SLC44A5: variants seen among roughly 807,000 people sequenced by gnomAD.
SLC44A5 encodes choline transporter-like protein 5.
In SLC44A5, 57 loss-of-function variants were observed where a neutral mutation model predicts 101.8. That is an observed-to-expected ratio of 0.56 (90% CI 0.45 to 0.70). SLC44A5 has a LOEUF of 0.70. SLC44A5 is among the 30% of genes least tolerant of loss of function. The probability of loss-of-function intolerance (pLI) is 0.00; values close to 1 mark genes in which losing one functional copy is unlikely to be tolerated. For synonymous variants in SLC44A5, 281 were observed against 290.9 expected, an observed-to-expected ratio of 0.97 and a Z score of 0.35; for missense variants, 737 against 853.1, an observed-to-expected ratio of 0.86 and a Z score of 1.70.
intron 2 of SLC44A5, among the ~76,000 whole-genome samples, chr1:75,477,907 C>G (rs1367960025): frequency 6.6e-6 from 1 of 152,088 alleles, no homozygotes; most frequent in South Asian, 2.1e-4. Flanking sequence ...GAGAACGCCA[C>G]AAAGATACTC....
intron 3 of SLC44A5, among the ~76,000 whole-genome samples, chr1:75,362,739 A>G (rs1426452886): frequency 3.3e-5 from 5 of 152,094 alleles, no homozygotes; most frequent in Non-Finnish European, 7.4e-5. Context: ...AGAATGTTTA[A>G]TATGCCCTTG....
At position 75,401,869 on chromosome 1, in the gene SLC44A5, C is replaced by T. The variant is rs141778578; in HGVS notation, c.14-5248G>A. Among the ~76,000 whole-genome samples the T allele has an allele frequency of 2.0e-5, 3 of 152,230 alleles. No individual in the cohort carries two copies. The East Asian group carries it at 5.8e-4, about 29-fold the overall frequency. The stretch of plus-strand genomic sequence containing the variant: ...TCATGGTTGGGCACTGGAAACAAAA[C>T]AAAACTCATTATCCTGTGCATCAGT... On this transcript the variant is annotated intron_variant, in intron 2 of 23. Transcript: ENST00000370859.
At chr1:75,713,047 C>G in the SLC44A5 span, among the ~76,000 whole-genome samples, 1 of 152,270 alleles carries the variant, frequency 6.6e-6, no homozygotes, top group Non-Finnish European at 1.5e-5. Flanking sequence ...CCTGTTCCGC[C>G]TAACCACTAC....
intron 13 of SLC44A5, among the ~76,000 whole-genome samples, chr1:75,226,146 C>G (rs1440547110): frequency 6.6e-6 from 1 of 151,916 alleles, no homozygotes; most frequent in African/African-American, 2.4e-5. Context: ...TGAAACAATT[C>G]CATAACATAT....
At chr1:75,655,383 G>A in the SLC44A5 span, among the ~76,000 whole-genome samples, 1 of 152,194 alleles carries the variant, frequency 6.6e-6, no homozygotes, top group African/African-American at 2.4e-5. Flanking sequence ...CTAGCCCTGG[G>A]GCAGAGGGGA....
chr1:75,259,486 A>G lies in SLC44A5; in HGVS notation c.261-8192T>C, dbSNP rs190017304. 1.3e-3 allele frequency among the ~76,000 whole-genome samples: 192 copies of G among 152,312 alleles called. 1 individual carries two copies. The highest frequency in any genetic ancestry group is 8.5e-3 in the South Asian group (41 of 4,830). On this transcript the variant is annotated intron_variant, in intron 6 of 23. Transcript: ENST00000370859. ...GAGAAGACAAGATTAGAGAAAAAAG[A>G]GTGAAGAGAAATGAACAAAGCCTCC... is the stretch of plus-strand genomic sequence containing the variant.
chr1:75,679,842 A>C, the SLC44A5 span, among the ~76,000 whole-genome samples: 1 of 152,210 alleles, frequency 6.6e-6, no homozygotes, highest in Middle Eastern at 3.2e-3. Context: ...GTCAAGACCC[A>C]TCAGTGTGCT....
chr1:75,578,876 T>C (rs1673523834), intron 1 of SLC44A5, among the ~76,000 whole-genome samples: 1 of 152,224 alleles, frequency 6.6e-6, no homozygotes, highest in African/African-American at 2.4e-5. Flanking sequence ...TAAAATATGC[T>C]GTACACTGAA....
chr1:75,694,739 A>T, the SLC44A5 span, among the ~76,000 whole-genome samples: 4 of 152,176 alleles, frequency 2.6e-5, no homozygotes, highest in Admixed American at 2.6e-4. Context: ...CACTGTCTTT[A>T]AAGTTGTATC....
chr1:75,350,779 A>T (rs551744910), intron 3 of SLC44A5, among the ~76,000 whole-genome samples: 1 of 151,394 alleles, frequency 6.6e-6, no homozygotes, highest in Non-Finnish European at 1.5e-5. Context: ...CTGTAATCCC[A>T]GCTACTTGGG....
Position 75,254,099 on chromosome 1 carries a change from C to T in SLC44A5, c.261-2805G>A, listed in dbSNP as rs562515150. 4.0e-5 allele frequency among the ~76,000 whole-genome samples: 6 copies of T among 151,804 alleles called. No homozygotes were observed. The South Asian group carries it at 6.2e-4, about 16-fold the overall frequency. ...TGTCGCCCAGGCTGGAGTGCAGTGG[C>T]GCAATCTCTGCTCACTGCGACCTCT... On this transcript the variant is annotated intron_variant, in intron 6 of 23. Transcript: ENST00000370859.
At chr1:75,340,194 C>A (rs919838812) in intron 3 of SLC44A5, among the ~76,000 whole-genome samples, 4 of 152,152 alleles carry the variant, frequency 2.6e-5, no homozygotes, top group African/African-American at 9.7e-5. Context: ...AGACTTCATG[C>A]CATCTGGGAA....
At position 75,323,893 on chromosome 1, in the gene SLC44A5, A is replaced by C. The variant is rs1338000861; in HGVS notation, c.101+15689T>G. ...GCATACTAGTATTTCAAAGCAACCAACAACTGCCATTTCCATTACCTACTT... is the reference window on the plus strand; with the variant it reads ...GCATACTAGTATTTCAAAGCAACCACCAACTGCCATTTCCATTACCTACTT... On this transcript the variant is annotated intron_variant, in intron 4 of 23. Transcript: ENST00000370859. Among the ~76,000 whole-genome samples, 3 of 152,188 alleles carry C rather than the reference A, an allele frequency of 2.0e-5. No homozygotes were observed. In the East Asian group the frequency reaches 5.8e-4, roughly 29 times the overall value.
At chr1:75,342,361 G>C (rs76356521) in intron 3 of SLC44A5, among the ~76,000 whole-genome samples, 1 of 152,144 alleles carries the variant, frequency 6.6e-6, no homozygotes, top group East Asian at 1.9e-4. Context: ...AATAGCCCTA[G>C]TGTATTTATT....
intron 1 of SLC44A5, among the ~76,000 whole-genome samples, chr1:75,551,460 A>G (rs992135438): frequency 6.6e-6 from 1 of 152,086 alleles, no homozygotes; most frequent in Non-Finnish European, 1.5e-5. Context: ...TATTTCCCCA[A>G]GCTTTCTCTC....
At chr1:75,376,690 C>G (rs1289452404) in intron 3 of SLC44A5, among the ~76,000 whole-genome samples, 6 of 150,720 alleles carry the variant, frequency 4.0e-5, no homozygotes, top group African/African-American at 1.2e-4. Context: ...ACATCACCAT[C>G]ATCAAAGACC....
chr1:75,462,639 G>T (rs371610963), intron 2 of SLC44A5, among the ~76,000 whole-genome samples: 1 of 151,888 alleles, frequency 6.6e-6, no homozygotes, highest in East Asian at 1.9e-4. Flanking sequence ...TCAAGATAAC[G>T]CAGAGAAGGA....
intron 13 of SLC44A5, among the ~76,000 whole-genome samples, chr1:75,223,665 G>A (rs1387811924): frequency 6.6e-6 from 1 of 152,122 alleles, no homozygotes; most frequent in Non-Finnish European, 1.5e-5. Flanking sequence ...TTGATGGAGA[G>A]CTCATTATTT....
the SLC44A5 span, among the ~76,000 whole-genome samples, chr1:75,674,678 A>G: frequency 6.6e-6 from 1 of 152,144 alleles, no homozygotes; most frequent in Non-Finnish European, 1.5e-5. Context: ...CACCTCACCC[A>G]GCCAGAAAAA....
Sources: allele counts gnomAD v4.1 joint callset (sites outside exome capture counted in the v4.1 genomes callset), GRCh38; gene constraint gnomAD v4.1.1; transcripts MANE v1.5; gene names NCBI Gene and HGNC (gene_info 2026-07-23, HGNC 2026-07-21).